Variants in NPAS3 observed in about 807,000 individuals in gnomAD.
NPAS3 encodes neuronal PAS domain-containing protein 3.
In NPAS3, 14 loss-of-function variants were observed where a neutral mutation model predicts 73.1. The observed-to-expected ratio is 0.19, with a 90% confidence interval of 0.13 to 0.30. The LOEUF (loss-of-function observed/expected upper bound fraction) is 0.30, where lower values mean the gene tolerates loss of function less well. Among genes scored for constraint, NPAS3 ranks in the 10% least tolerant of loss-of-function variants. The pLI is 1.00. For synonymous variants in NPAS3, 620 were observed against 541.5 expected (o/e 1.14, Z -2.01); for missense variants, 1,096 against 1,250.0 (o/e 0.88, Z 1.86).
chr14:33,283,110 G>A (rs1316750587), intron 3 of NPAS3, among the ~76,000 whole-genome samples: 1 of 152,184 alleles, frequency 6.6e-6, no homozygotes, highest in Admixed American at 6.5e-5. Context: ...CTGATTCTAT[G>A]TATCAAACAA....
intron 4 of NPAS3, among the ~76,000 whole-genome samples, chr14:33,396,064 C>T (rs1476781418): frequency 6.6e-6 from 1 of 152,124 alleles, no homozygotes; most frequent in Non-Finnish European, 1.5e-5. Flanking sequence ...TTGACTTGGG[C>T]TTGTTTCAAG....
intron 3 of NPAS3, among the ~76,000 whole-genome samples, chr14:33,260,386 C>T (rs942184564): frequency 1.3e-5 from 2 of 151,512 alleles, no homozygotes; most frequent in Non-Finnish European, 2.9e-5. Context: ...AGTTCACTTT[C>T]GCTCCTGTCA....
intron 2 of NPAS3, among the ~76,000 whole-genome samples, chr14:33,163,520 C>T (rs780484558): frequency 2.6e-5 from 4 of 151,952 alleles, no homozygotes; most frequent in Non-Finnish European, 4.4e-5. Flanking sequence ...TCTTGTTAAA[C>T]GTTTTAGCTA....
intron 5 of NPAS3, among the ~76,000 whole-genome samples, chr14:33,666,669 T>G (rs2059458488): frequency 6.6e-6 from 1 of 152,194 alleles, no homozygotes; most frequent in Admixed American, 6.5e-5. Context: ...TATTTGACTT[T>G]GTATGTGTTT....
Position 33,308,527 on chromosome 14 carries a change from T to TATATACACACACACACACAC in NPAS3, c.386-58658_386-58657insTATACACACACACACACACA. Among the ~76,000 whole-genome samples the TATATACACACACACACACAC allele has an allele frequency of 4.2e-4, 44 of 103,728 alleles. 1 individual carries two copies. The highest frequency in any genetic ancestry group is 1.4e-3 in the East Asian group (5 of 3,504). 68.0% of individuals were successfully genotyped at this position (103,728 alleles called of 152,430 possible). A position where few individuals can be genotyped will look rare whatever the true frequency, so the allele number is the denominator to read the frequency against. On this transcript the variant is annotated intron_variant, in intron 3 of 11. Transcript: ENST00000356141. ...TGCATAGTTTATATATATATATATA[T>TATATACACACACACACACAC]ACATACACACACACACACACACACA...
At chr14:32,988,571 A>G (rs1378690606) in intron 1 of NPAS3, among the ~76,000 whole-genome samples, 1 of 152,222 alleles carries the variant, frequency 6.6e-6, no homozygotes, top group South Asian at 2.1e-4. Flanking sequence ...AAAAGAGAAA[A>G]TCTTGTATTT....
At chr14:32,985,536 T>C (rs2038061972) in intron 1 of NPAS3, among the ~76,000 whole-genome samples, 1 of 152,202 alleles carries the variant, frequency 6.6e-6, no homozygotes, top group Non-Finnish European at 1.5e-5. Context: ...ACATGTCTAG[T>C]AAAGAAATTT....
At chr14:33,582,981 T>TTTTTTTTTTTTTG (rs1314077048) in intron 5 of NPAS3, among the ~76,000 whole-genome samples, 8 of 148,324 alleles carry the variant, frequency 5.4e-5, no homozygotes, top group Non-Finnish European at 1.5e-5. Context: ...TTTTTTTTTT[T>TTTTTTTTTTTTTG]TTTTTGGCTA....
intron 1 of NPAS3, among the ~76,000 whole-genome samples, chr14:33,010,983 A>G (rs1002546087): frequency 5.9e-5 from 9 of 151,382 alleles, no homozygotes; most frequent in African/African-American, 2.2e-4. Flanking sequence ...CATAAATGTG[A>G]GCTCTAAATA....
chr14:32,978,969 C>G (rs1268664023), intron 1 of NPAS3, among the ~76,000 whole-genome samples: 1 of 152,056 alleles, frequency 6.6e-6, no homozygotes, highest in East Asian at 1.9e-4. Context: ...GTTTGTATCT[C>G]CCATATCTGG....
At chr14:33,019,584 T>A (rs908485704) in intron 1 of NPAS3, among the ~76,000 whole-genome samples, 4 of 152,206 alleles carry the variant, frequency 2.6e-5, no homozygotes, top group Admixed American at 6.5e-5. Context: ...TGGTGTCTCT[T>A]CAAAGGTGTG....
intron 4 of NPAS3, among the ~76,000 whole-genome samples, chr14:33,415,466 A>T (rs114341414): frequency 0.019 from 2,922 of 151,872 alleles, 110 homozygotes; most frequent in African/African-American, 0.066. Context: ...CTTCAAGGAG[A>T]TTTTTCTGAT....
chr14:33,017,324 A>T (rs936467120), intron 1 of NPAS3, among the ~76,000 whole-genome samples: 165 of 152,088 alleles, frequency 1.1e-3, no homozygotes, highest in African/African-American at 3.6e-3. Context: ...TTCCTTTTTT[A>T]AAAAAAATGA....
chr14:33,199,462 T>C (rs930314252), intron 2 of NPAS3, among the ~76,000 whole-genome samples: 4 of 152,154 alleles, frequency 2.6e-5, no homozygotes, highest in African/African-American at 9.7e-5. Flanking sequence ...AATGTTACTG[T>C]GTATGATTAT....
rs528646279 is a variant in NPAS3 at position 33,571,198 on chromosome 14, G to T, written c.558+10988G>T. The stretch of plus-strand genomic sequence containing the variant: ...TCTGGACTGGGATCCAGGAGACCTG[G>T]TTCTGGTCTTGCCGCTGCTGCTAGT... On this transcript the variant is annotated intron_variant, in intron 5 of 11. Transcript: ENST00000356141. 4.6e-5 allele frequency among the ~76,000 whole-genome samples: 7 copies of T among 152,318 alleles called. No individual in the cohort carries two copies. In the South Asian group the frequency reaches 1.4e-3, roughly 32 times the overall value.
upstream of NPAS3, among the ~76,000 whole-genome samples, chr14:32,938,526 G>GAGAGAGAGAGCA: frequency 3.9e-5 from 1 of 25,432 alleles, no homozygotes; most frequent in African/African-American, 1.7e-4. Context: ...AGAGAGAGAA[G>GAGAGAGAGAGCA]GGGGGGGAGG....
chr14:33,629,734 A>G (rs923404085), intron 5 of NPAS3, among the ~76,000 whole-genome samples: 12 of 151,014 alleles, frequency 7.9e-5, no homozygotes, highest in Non-Finnish European at 1.5e-4. Context: ...GTCCACAGCC[A>G]TTTGTTTTTC....
At chr14:33,507,039 A>G (rs2052799266) in intron 4 of NPAS3, among the ~76,000 whole-genome samples, 1 of 151,968 alleles carries the variant, frequency 6.6e-6, no homozygotes, top group Non-Finnish European at 1.5e-5. Context: ...GTATTGCTCC[A>G]TGAGGAGTGA....
At chr14:33,114,937 G>T (rs2138993858) in intron 2 of NPAS3, among the ~76,000 whole-genome samples, 1 of 152,218 alleles carries the variant, frequency 6.6e-6, no homozygotes. Flanking sequence ...TGAGGATATG[G>T]GCTGTGGAAA....
Sources: allele counts gnomAD v4.1 joint callset (sites outside exome capture counted in the v4.1 genomes callset), GRCh38; gene constraint gnomAD v4.1.1; transcripts MANE v1.5; gene names NCBI Gene and HGNC (gene_info 2026-07-23, HGNC 2026-07-21).